Variants in KATNIP observed in about 807,000 individuals in gnomAD.
KATNIP encodes katanin-interacting protein.
Under a neutral mutation model 174.0 loss-of-function variants are expected in KATNIP, and 126 were observed. That is an observed-to-expected ratio of 0.72 (90% CI 0.63 to 0.84). The LOEUF is 0.84. Among genes scored for constraint, KATNIP ranks in the 40% least tolerant of loss-of-function variants. KATNIP has a pLI of 0.00. For synonymous variants in KATNIP, 810 were observed against 835.7 expected (o/e 0.97, Z 0.53); for missense variants, 1,958 against 2,109.7 (o/e 0.93, Z 1.41).
chr16:27,687,955 CAAAGGAGA>C (rs1322873416), intron 8 of KATNIP, among the ~76,000 whole-genome samples: 1 of 152,204 alleles, frequency 6.6e-6, no homozygotes, highest in African/African-American at 2.4e-5. Context: ...GCCCAAGCAA[CAAAGGAGA>C]ATGTCTTGCT....
chr16:27,734,459 G>A (rs2080825290), intron 14 of KATNIP, among the ~76,000 whole-genome samples: 2 of 151,586 alleles, frequency 1.3e-5, no homozygotes, highest in Non-Finnish European at 2.9e-5. Context: ...AGCACTTTGG[G>A]AGGGCGAGGT....
At position 27,776,779 on chromosome 16, in the gene KATNIP, T is replaced by C. The variant is rs2082512929; in HGVS notation, c.4450-149T>C. The C allele has an allele frequency of 3.1e-6, 2 of 643,868 alleles. No individual in the cohort carries two copies. Among genetic ancestry groups the C allele is most frequent in the Admixed American group, 2.5e-5 (1 of 40,420 alleles). 39.9% of individuals were successfully genotyped at this position (643,868 alleles called of 1,614,324 possible). Reference sequence around the variant, plus strand: ...TGACTCAAGATGGGCTTCGAGGAGATGAAAGGGGGCGGAACTCCAGGCTGG... The same window carrying C: ...TGACTCAAGATGGGCTTCGAGGAGACGAAAGGGGGCGGAACTCCAGGCTGG... On this transcript the variant is annotated intron_variant, in intron 24 of 27. Coordinates refer to ENST00000261588, the MANE Select transcript of KATNIP (RefSeq NM_015202.5). This position sits in a 1 kb window ranked among gnomAD's most constrained non-coding sequence, Gnocchi z 4.7.
intron 5 of KATNIP, among the ~76,000 whole-genome samples, chr16:27,641,771 C>T (rs957045049): frequency 6.6e-6 from 1 of 152,234 alleles, no homozygotes; most frequent in Non-Finnish European, 1.5e-5. Flanking sequence ...CTGCATTTCT[C>T]ACAAATTCCC....
intron 6 of KATNIP, among the ~76,000 whole-genome samples, chr16:27,655,214 A>G (rs2077236617): frequency 8.8e-6 from 1 of 113,998 alleles, no homozygotes; most frequent in Admixed American, 8.6e-5. Context: ...ATATATATAT[A>G]TATATATATA....
chr16:27,650,260 G>A (rs233467), intron 6 of KATNIP, among the ~76,000 whole-genome samples: 121,632 of 151,780 alleles, frequency 0.8, 49,125 homozygotes, highest in East Asian at 0.9. Flanking sequence ...ATGAGGCCAG[G>A]CTTGTTCAAG....
At chr16:27,736,097 G>A (rs2080885478) in intron 14 of KATNIP, among the ~76,000 whole-genome samples, 1 of 152,194 alleles carries the variant, frequency 6.6e-6, no homozygotes, top group African/African-American at 2.4e-5. Flanking sequence ...CCCCCTCCCA[G>A]GTTCAAGTGA....
At chr16:27,706,939 G>A (rs1005618125) in intron 12 of KATNIP, among the ~76,000 whole-genome samples, 3 of 152,198 alleles carry the variant, frequency 2.0e-5, no homozygotes, top group Non-Finnish European at 2.9e-5. Flanking sequence ...TCAGACCCAG[G>A]GCAGCAGAGG....
chr16:27,670,129 C>T (rs115542400), intron 6 of KATNIP, among the ~76,000 whole-genome samples: 1,631 of 152,230 alleles, frequency 0.011, 42 homozygotes, highest in African/African-American at 0.038. Context: ...AAATAGCCAT[C>T]GGTTTAATAC....
chr16:27,552,925 C>T lies in KATNIP; in HGVS notation c.7+2748C>T, dbSNP rs1055812146. Among the ~76,000 whole-genome samples the T allele has an allele frequency of 4.1e-4, 62 of 152,040 alleles. 1 individual carries two copies. Among genetic ancestry groups the T allele is most frequent in the Admixed American group, 2.1e-3 (32 of 15,268 alleles). On this transcript the variant is annotated intron_variant, in intron 1 of 27. Transcript: ENST00000261588. ...GTCAGGCTGGTCTCAAACTGCCAAC[C>T]TCAGGTGATCCGCCCGCCTTGGCCT...
At chr16:27,695,718 T>G (rs1469904695) in intron 8 of KATNIP, among the ~76,000 whole-genome samples, 2 of 152,232 alleles carry the variant, frequency 1.3e-5, no homozygotes, top group East Asian at 3.8e-4. Context: ...TGAGATTCAG[T>G]AGGTAAACTC....
At chr16:27,699,234 T>C (rs2047396416) in intron 9 of KATNIP, among the ~76,000 whole-genome samples, 1 of 152,196 alleles carries the variant, frequency 6.6e-6, no homozygotes, top group Non-Finnish European at 1.5e-5. Context: ...GGTGGCCTGC[T>C]TCTCTCAAGG....
chr16:27,718,919 G>A (rs1174271563), intron 13 of KATNIP: 1 of 152,118 alleles, frequency 6.6e-6, no homozygotes, highest in Non-Finnish European at 1.5e-5. Flanking sequence ...CTGGAGCCTG[G>A]GCCTTCCATC....
intron 8 of KATNIP, among the ~76,000 whole-genome samples, chr16:27,689,649 A>G (rs1307058969): frequency 2.0e-5 from 3 of 152,138 alleles, no homozygotes; most frequent in Non-Finnish European, 4.4e-5. Flanking sequence ...AGATGAGAAG[A>G]ACACAGGCCT....
In KATNIP at chr16:27,740,251, GA is replaced by G. The variant is rs1275694294; in HGVS notation, c.1955del (p.Asp652AlafsTer15). 6.2e-7 allele frequency: 1 copy of G among 1,614,112 alleles called. No homozygotes were observed. The highest frequency in any genetic ancestry group is 8.5e-7 in the Non-Finnish European group (1 of 1,180,042). Reference sequence around the variant, plus strand: ...CCATGAGATGGCTGGTGCCAGCGGGGACAAGGAGCTTGGTCTCGGTTGCTCA... The same window carrying G: ...CCATGAGATGGCTGGTGCCAGCGGGGCAAGGAGCTTGGTCTCGGTTGCTCA... ...GTHEMAGASGDKELGLGCSPP... is the reference protein window; with the variant it reads ...GTHEMAGASGXKELGLGCSPP... On this transcript the variant is annotated frameshift_variant, in exon 15 of 28. Coordinates refer to ENST00000261588, the MANE Select transcript of KATNIP (RefSeq NM_015202.5). LOFTEE classifies it high-confidence loss of function.
intron 2 of KATNIP, among the ~76,000 whole-genome samples, chr16:27,602,957 C>T (rs574458809): frequency 1.3e-5 from 2 of 152,326 alleles, no homozygotes; most frequent in South Asian, 2.1e-4. Context: ...ATCTCTGCCT[C>T]CCAAAGTGCT....
chr16:27,765,434 A>G (rs1243437104), intron 19 of KATNIP, among the ~76,000 whole-genome samples: 1 of 152,208 alleles, frequency 6.6e-6, no homozygotes, highest in Non-Finnish European at 1.5e-5. Context: ...GAAGAGCATG[A>G]GGGGCTCCCT....
intron 6 of KATNIP, among the ~76,000 whole-genome samples, chr16:27,661,615 A>G (rs1286784530): frequency 6.6e-6 from 1 of 150,866 alleles, no homozygotes; most frequent in Non-Finnish European, 1.5e-5. Context: ...CTGGTCTCGA[A>G]CTCCTGACCT....
At chr16:27,578,952 TA>T (rs1567455650) in intron 2 of KATNIP, among the ~76,000 whole-genome samples, 1 of 152,190 alleles carries the variant, frequency 6.6e-6, no homozygotes. Flanking sequence ...GTTCAGCTGG[TA>T]AAAATATTCT....
In KATNIP at chr16:27,698,381, G is replaced by A. The variant is rs764516348; in HGVS notation, c.994G>A (p.Glu332Lys). Reference protein sequence around the residue: ...PLSATRKTLCEAEYPEEDASA... With the variant: ...PLSATRKTLCKAEYPEEDASA... ...GTCTGCAACCCGCAAAACTCTTTGC[G>A]AGGCTGAGTACCCAGAGGAAGATGC... The change falls in exon 9 of 28, where the codon GAG becomes AAG. Residue 332 changes from glutamate to lysine, a missense_variant. Glu to Lys is a moderately conservative substitution (Grantham distance 56). This residue lies in a region of KATNIP where 1,557 missense variants were observed against 1,617.8 expected (regional missense o/e 0.96). Transcript: ENST00000261588. 28 of 1,612,758 alleles carry A rather than the reference G, an allele frequency of 1.7e-5. No individual in the cohort carries two copies. The highest frequency in any genetic ancestry group is 5.0e-5 in the Admixed American group (3 of 59,838).
Sources: allele counts gnomAD v4.1 joint callset (sites outside exome capture counted in the v4.1 genomes callset), GRCh38; gene constraint gnomAD v4.1.1; regional missense constraint gnomAD v4.1.1; non-coding constraint Gnocchi (gnomAD v3.1); transcripts MANE v1.5; gene names NCBI Gene and HGNC (gene_info 2026-07-23, HGNC 2026-07-21).